The following PLCB1 variants were observed in gnomAD, a reference collection of about 807,000 sequenced individuals.
PLCB1 encodes the protein 1-phosphatidylinositol 4,5-bisphosphate phosphodiesterase beta-1.
Under a neutral mutation model 161.8 loss-of-function variants are expected in PLCB1, and 46 were observed. The observed-to-expected ratio is 0.28, with a 90% confidence interval of 0.22 to 0.36. The LOEUF (loss-of-function observed/expected upper bound fraction) is 0.36. Among genes scored for constraint, PLCB1 ranks in the 10% least tolerant of loss-of-function variants. PLCB1 has a pLI of 1.00. For missense variants in PLCB1, 1,016 were observed against 1,472.5 expected (o/e 0.69, Z 5.07); for synonymous variants, 517 against 503.7 (o/e 1.03, Z -0.35).
chr20:8,296,424 G>C (rs1428253163), intron 2 of PLCB1, among the ~76,000 whole-genome samples: 2 of 152,132 alleles, frequency 1.3e-5, no homozygotes, highest in African/African-American at 4.8e-5. Context: ...TGGGGAACAA[G>C]GACAAGTATA....
At chr20:8,763,248 C>T (rs944917723) in intron 25 of PLCB1, among the ~76,000 whole-genome samples, 1 of 152,212 alleles carries the variant, frequency 6.6e-6, no homozygotes, top group Admixed American at 6.5e-5. Context: ...GTCGCCCAGG[C>T]TGCAGAGCAA....
At chr20:8,293,154 A>G (rs563092469) in intron 2 of PLCB1, among the ~76,000 whole-genome samples, 1 of 152,278 alleles carries the variant, frequency 6.6e-6, no homozygotes, top group African/African-American at 2.4e-5. Flanking sequence ...ACAGTGGTGG[A>G]TACAAGCTTC....
intron 27 of PLCB1, 89 bp downstream of exon 27, chr20:8,774,808 A>G (rs1982866354): frequency 9.1e-7 from 1 of 1,103,054 alleles, no homozygotes; most frequent in Non-Finnish European, 1.3e-6. Context: ...AAAGGAGACA[A>G]GGGTGGGTGT....
chr20:8,712,068 C>T (rs926360123), intron 12 of PLCB1, among the ~76,000 whole-genome samples: 3 of 152,060 alleles, frequency 2.0e-5, no homozygotes, highest in Non-Finnish European at 2.9e-5. Context: ...TTTGGGAGGC[C>T]GAGACTGGTG....
intron 23 of PLCB1, among the ~76,000 whole-genome samples, chr20:8,755,161 G>A (rs1032935063): frequency 6.6e-6 from 1 of 152,118 alleles, no homozygotes; most frequent in African/African-American, 2.4e-5. Context: ...GGGATGATTT[G>A]TTGAATTAAA....
intron 14 of PLCB1, among the ~76,000 whole-genome samples, chr20:8,718,936 C>A (rs1054848950): frequency 5.3e-5 from 8 of 152,120 alleles, no homozygotes; most frequent in African/African-American, 1.7e-4. Flanking sequence ...TGTGACATGG[C>A]AAAATTACTT....
At chr20:8,768,666 C>T (rs940285181) in intron 26 of PLCB1, among the ~76,000 whole-genome samples, 2 of 152,196 alleles carry the variant, frequency 1.3e-5, no homozygotes, top group Non-Finnish European at 2.9e-5. Flanking sequence ...GGCCAAGTAA[C>T]CTGGCCAGGG....
intron 3 of PLCB1, among the ~76,000 whole-genome samples, chr20:8,399,602 C>T (rs1346139916): frequency 6.6e-6 from 1 of 152,116 alleles, no homozygotes; most frequent in African/African-American, 2.4e-5. Context: ...CCCATTATAT[C>T]AAATATTACT....
At chr20:8,293,632 T>C (rs1260727255) in intron 2 of PLCB1, among the ~76,000 whole-genome samples, 3 of 151,876 alleles carry the variant, frequency 2.0e-5, no homozygotes, top group Non-Finnish European at 4.4e-5. Context: ...TTAGCATTGC[T>C]TTTGTATAAA....
chr20:8,165,079 A>G (rs1442581347), intron 2 of PLCB1, among the ~76,000 whole-genome samples: 5 of 152,216 alleles, frequency 3.3e-5, no homozygotes, highest in Non-Finnish European at 7.3e-5. Context: ...TTCCCTGTAC[A>G]AGACATTATT....
At chr20:8,708,808 T>A in intron 12 of PLCB1, 56 bp downstream of exon 12, 1 of 994,728 alleles carries the variant, frequency 1.0e-6, no homozygotes, top group Non-Finnish European at 1.6e-6. Context: ...GCATACTGAG[T>A]AATTGTTTAT....
At chr20:8,687,457 T>C (rs1219723994) in intron 10 of PLCB1, among the ~76,000 whole-genome samples, 1 of 152,208 alleles carries the variant, frequency 6.6e-6, no homozygotes, top group Non-Finnish European at 1.5e-5. Flanking sequence ...CCGAGCAGTA[T>C]ACACTGAACC....
intron 3 of PLCB1, among the ~76,000 whole-genome samples, chr20:8,488,676 G>A (rs1158046716): frequency 6.6e-6 from 1 of 151,978 alleles, no homozygotes; most frequent in African/African-American, 2.4e-5. Context: ...AGACTCATTC[G>A]AATCATTTAA....
At chr20:8,264,091 ATATTT>A (rs1981837217) in intron 2 of PLCB1, among the ~76,000 whole-genome samples, 1 of 152,350 alleles carries the variant, frequency 6.6e-6, no homozygotes, top group Non-Finnish European at 1.5e-5. Context: ...CTGTACAAAA[ATATTT>A]TATTTCTTTA....
intron 3 of PLCB1, among the ~76,000 whole-genome samples, chr20:8,550,523 T>C (rs1985738957): frequency 6.6e-6 from 1 of 152,120 alleles, no homozygotes; most frequent in African/African-American, 2.4e-5. Context: ...ACCATGATTG[T>C]AAGTTTCCTG....
intron 2 of PLCB1, among the ~76,000 whole-genome samples, chr20:8,220,829 C>G (rs551247314): frequency 5.9e-5 from 9 of 152,244 alleles, no homozygotes; most frequent in Middle Eastern, 3.4e-3. Flanking sequence ...TTTTCCTCTT[C>G]TGAAGAAAGG....
chr20:8,673,563 C>T (rs1280686480), intron 9 of PLCB1, among the ~76,000 whole-genome samples: 1 of 152,138 alleles, frequency 6.6e-6, no homozygotes, highest in Non-Finnish European at 1.5e-5. Flanking sequence ...TTAGTCAGTG[C>T]CAGCGAGGCC....
intron 2 of PLCB1, among the ~76,000 whole-genome samples, chr20:8,181,081 T>G (rs1429803907): frequency 6.6e-6 from 1 of 151,250 alleles, no homozygotes; most frequent in African/African-American, 2.4e-5. Flanking sequence ...CGAAACCCCG[T>G]CTCTACTAAA....
At chr20:8,536,578 C>T (rs1158510112) in intron 3 of PLCB1, among the ~76,000 whole-genome samples, 2 of 152,150 alleles carry the variant, frequency 1.3e-5, no homozygotes, top group Non-Finnish European at 2.9e-5. Context: ...TGAAGGCTCA[C>T]TGGGCTAGAC....
Sources: gnomAD v4.1 joint callset for allele counts (sites outside exome capture counted in the v4.1 genomes callset) on GRCh38, gnomAD v4.1.1 for gene constraint, MANE v1.5 for transcripts, NCBI Gene and HGNC (gene_info 2026-07-23, HGNC 2026-07-21) for gene names.